The following DYNC1I1 variants were observed in gnomAD, a reference collection of about 807,000 sequenced individuals.
DYNC1I1 encodes cytoplasmic dynein 1 intermediate chain 1.
In DYNC1I1, 43 loss-of-function variants were observed where a neutral mutation model predicts 86.6. The ratio of observed to expected loss-of-function variants is 0.50; its 90% CI spans 0.39 to 0.64. The LOEUF is 0.64. Ranked by LOEUF, DYNC1I1 falls within the 30% of genes least tolerant of loss-of-function variation. The probability of loss-of-function intolerance (pLI) is 0.00; values close to 1 mark genes in which losing one functional copy is unlikely to be tolerated. For synonymous variants in DYNC1I1, 262 were observed against 283.7 expected (o/e 0.92, Z 0.77); for missense variants, 604 against 788.8 (o/e 0.77, Z 2.81).
intron 6 of DYNC1I1, among the ~76,000 whole-genome samples, chr7:95,889,228 G>A (rs921298516): frequency 1.3e-5 from 2 of 152,100 alleles, no homozygotes; most frequent in Non-Finnish European, 2.9e-5. Flanking sequence ...AAAAGGGTTG[G>A]CATTAAAATT....
At chr7:96,050,301 A>C (rs752076613) in intron 14 of DYNC1I1, among the ~76,000 whole-genome samples, 35 of 152,202 alleles carry the variant, frequency 2.3e-4, no homozygotes, top group Non-Finnish European at 2.2e-4. Context: ...TTGCATAGCT[A>C]AATGATTGCC....
At chr7:96,052,679 A>C (rs1789439296) in intron 14 of DYNC1I1, among the ~76,000 whole-genome samples, 1 of 152,192 alleles carries the variant, frequency 6.6e-6, no homozygotes, top group Non-Finnish European at 1.5e-5. Flanking sequence ...TGGATGCTAA[A>C]GTGCTTTAGT....
intron 16 of DYNC1I1, among the ~76,000 whole-genome samples, chr7:96,105,328 T>C (rs1028436617): frequency 1.3e-5 from 2 of 151,954 alleles, no homozygotes; most frequent in Admixed American, 1.3e-4. Context: ...CTTTTTTCTT[T>C]TTTTTTGCCT....
At chr7:96,076,924 A>G (rs1790358302) in intron 15 of DYNC1I1, among the ~76,000 whole-genome samples, 1 of 152,202 alleles carries the variant, frequency 6.6e-6, no homozygotes, top group Non-Finnish European at 1.5e-5. Context: ...TGCCACATGC[A>G]TTGTTCCTTT....
chr7:95,841,055 G>A (rs188064142), intron 5 of DYNC1I1, among the ~76,000 whole-genome samples: 282 of 152,284 alleles, frequency 1.9e-3, no homozygotes, highest in Non-Finnish European at 3.7e-3. Flanking sequence ...TCAGACGCAG[G>A]CTGTTTTAAA....
intron 14 of DYNC1I1, among the ~76,000 whole-genome samples, chr7:96,041,720 G>A (rs187704222): frequency 3.9e-5 from 6 of 152,044 alleles, no homozygotes; most frequent in Admixed American, 3.9e-4. Context: ...AAAGCAAAGT[G>A]GAGAGAAGTG....
intron 14 of DYNC1I1, among the ~76,000 whole-genome samples, chr7:96,044,434 T>A (rs1789146729): frequency 6.6e-6 from 1 of 151,982 alleles, no homozygotes; most frequent in Admixed American, 6.6e-5. Flanking sequence ...AAGAAAGCAT[T>A]AAAATCAAGA....
chr7:95,984,238 T>G (rs867980409), intron 7 of DYNC1I1, among the ~76,000 whole-genome samples: 1 of 152,200 alleles, frequency 6.6e-6, no homozygotes, highest in Non-Finnish European at 1.5e-5. Flanking sequence ...AAGCAGAAGA[T>G]CTTGAGTGAA....
At chr7:95,786,645 A>C (rs1234462112) in intron 1 of DYNC1I1, among the ~76,000 whole-genome samples, 2 of 152,200 alleles carry the variant, frequency 1.3e-5, no homozygotes, top group Non-Finnish European at 2.9e-5. Context: ...CCTGACTCTT[A>C]GCAAATTAAA....
At chr7:95,807,358 G>A (rs949021744) in intron 2 of DYNC1I1, among the ~76,000 whole-genome samples, 2 of 152,072 alleles carry the variant, frequency 1.3e-5, no homozygotes, top group Admixed American at 6.6e-5. Flanking sequence ...CTCCAATCAC[G>A]TGAAGGAGTC....
chr7:95,787,696 C>A (rs1170726366), intron 1 of DYNC1I1, among the ~76,000 whole-genome samples: 2 of 152,036 alleles, frequency 1.3e-5, no homozygotes, highest in Non-Finnish European at 2.9e-5. Context: ...AAAATCTATG[C>A]CTTCATTGGA....
chr7:95,807,858 C>A (rs183414485), intron 2 of DYNC1I1, among the ~76,000 whole-genome samples: 12 of 152,266 alleles, frequency 7.9e-5, no homozygotes, highest in Admixed American at 6.5e-4. Flanking sequence ...TTGTCTTTTT[C>A]TCTTAAGAGA....
rs370794577 is a variant in DYNC1I1 at position 95,802,429 on chromosome 7, A to G, written c.-9-2292A>G. ...ACAGTTGAATCAGAGAGAAGTTGGCATTAGTTTCCCAGCAGCTTGCCTTAT... is the reference window on the plus strand; with the variant it reads ...ACAGTTGAATCAGAGAGAAGTTGGCGTTAGTTTCCCAGCAGCTTGCCTTAT... On this transcript the variant is annotated intron_variant, in intron 1 of 16. Coordinates refer to ENST00000447467, the MANE Select transcript of DYNC1I1 (RefSeq NM_001135556.2). Among the ~76,000 whole-genome samples, 38 of 152,314 alleles carry G rather than the reference A, an allele frequency of 2.5e-4. 2 individuals carry two copies. In the South Asian group the frequency reaches 5.0e-3, roughly 20 times the overall value.
At chr7:95,993,328 A>G (rs1793776707) in intron 9 of DYNC1I1, among the ~76,000 whole-genome samples, 2 of 152,204 alleles carry the variant, frequency 1.3e-5, no homozygotes, top group Admixed American at 6.5e-5. Flanking sequence ...AAGGAGTTTT[A>G]AAGCTAAATA....
At chr7:95,818,853 T>C (rs1795009794) in intron 4 of DYNC1I1, 1 of 245,816 alleles carries the variant, frequency 4.1e-6, no homozygotes, top group South Asian at 1.8e-4. Context: ...TTGAACCTGC[T>C]TTTTCAATCA....
intron 16 of DYNC1I1, among the ~76,000 whole-genome samples, chr7:96,083,915 A>T (rs561920700): frequency 1.3e-5 from 2 of 152,364 alleles, no homozygotes; most frequent in Non-Finnish European, 2.9e-5. Context: ...AAGCTTTGTA[A>T]TACAATCTGT....
At chr7:95,976,733 C>G (rs188668962) in intron 6 of DYNC1I1, among the ~76,000 whole-genome samples, 1 of 152,242 alleles carries the variant, frequency 6.6e-6, no homozygotes, top group East Asian at 1.9e-4. Context: ...TTTCTTGTGA[C>G]ACCTTGACAC....
chr7:96,047,253 G>A (rs1789245686), intron 14 of DYNC1I1, among the ~76,000 whole-genome samples: 1 of 152,106 alleles, frequency 6.6e-6, no homozygotes, highest in South Asian at 2.1e-4. Context: ...TAGGGATCAA[G>A]TTTCAACATA....
chr7:95,985,367 A>G (rs933329512), intron 8 of DYNC1I1, among the ~76,000 whole-genome samples: 4 of 152,130 alleles, frequency 2.6e-5, no homozygotes, highest in Admixed American at 2.6e-4. Flanking sequence ...GGTGTGGGAG[A>G]AGTTAACTGA....
Sources: allele counts gnomAD v4.1 joint callset (sites outside exome capture counted in the v4.1 genomes callset), GRCh38; gene constraint gnomAD v4.1.1; transcripts MANE v1.5; gene names NCBI Gene and HGNC (gene_info 2026-07-23, HGNC 2026-07-21).